NRG1: variants seen among roughly 807,000 people sequenced by gnomAD.
NRG1 encodes neuregulin 1, also known as pro-neuregulin-1, membrane-bound isoform.
Under a neutral mutation model 63.8 loss-of-function variants are expected in NRG1, and 18 were observed. The ratio of observed to expected loss-of-function variants is 0.28; its 90% CI spans 0.19 to 0.42. NRG1 has a LOEUF of 0.42. NRG1 is among the 10% of genes least tolerant of loss of function. The pLI, the probability that NRG1 is intolerant of heterozygous loss-of-function variation, is 1.00. For synonymous variants in NRG1, 302 were observed against 301.3 expected (o/e 1.00, Z -0.02); for missense variants, 762 against 814.7 (o/e 0.94, Z 0.79).
At chr8:32,233,730 A>G (rs1262941596) in intron 1 of NRG1, among the ~76,000 whole-genome samples, 1 of 151,496 alleles carries the variant, frequency 6.6e-6, no homozygotes, top group Non-Finnish European at 1.5e-5. Flanking sequence ...ATGCCCAGCT[A>G]ATTTTCATAT....
intron 3 of NRG1, among the ~76,000 whole-genome samples, chr8:32,609,558 CCTTCCTTCCTTCCTTCCTTCCTTCCT>C (rs1845949914): frequency 3.9e-4 from 18 of 46,182 alleles, no homozygotes; most frequent in African/African-American, 1.2e-3. Flanking sequence ...CTCCCTCCTT[CCTTCCTTCCTTCCTTCCTTCCTTCCT>C]TCCTTCCTTC....
intron 1 of NRG1, among the ~76,000 whole-genome samples, chr8:31,883,103 G>A (rs753963730): frequency 2.6e-5 from 4 of 151,952 alleles, no homozygotes; most frequent in Non-Finnish European, 5.9e-5. Flanking sequence ...AGTTAAAGCA[G>A]CAAATTTCAT....
intron 1 of NRG1, among the ~76,000 whole-genome samples, chr8:32,251,036 G>A (rs1849041864): frequency 6.6e-6 from 1 of 151,866 alleles, no homozygotes; most frequent in African/African-American, 2.4e-5. Flanking sequence ...TTACATTCTA[G>A]TATAAAAATT....
intron 1 of NRG1, among the ~76,000 whole-genome samples, chr8:32,082,858 TA>T (rs1166977814): frequency 6.6e-6 from 1 of 152,164 alleles, no homozygotes; most frequent in Non-Finnish European, 1.5e-5. Context: ...CACATGCAAG[TA>T]TATTTCAGTT....
intron 1 of NRG1, among the ~76,000 whole-genome samples, chr8:31,862,442 C>G (rs765610448): frequency 6.6e-6 from 1 of 152,154 alleles, no homozygotes; most frequent in South Asian, 2.1e-4. Context: ...TAAGTTGTGA[C>G]AAAATATCTA....
At chr8:32,723,006 A>G (rs1358495347) in intron 5 of NRG1, among the ~76,000 whole-genome samples, 1 of 152,204 alleles carries the variant, frequency 6.6e-6, no homozygotes, top group African/African-American at 2.4e-5. Context: ...GCTTGGTTAT[A>G]TATGTAACAT....
At chr8:32,486,627 A>AATTTTT (rs71208187) in intron 1 of NRG1, among the ~76,000 whole-genome samples, 16 of 145,508 alleles carry the variant, frequency 1.1e-4, no homozygotes, top group Non-Finnish European at 9.0e-5. Context: ...GAATTGCTGG[A>AATTTTT]TTTTTTTTTT....
intron 1 of NRG1, among the ~76,000 whole-genome samples, chr8:31,917,715 T>G (rs4556052): frequency 0.46 from 70,365 of 151,960 alleles, 18,263 homozygotes; most frequent in East Asian, 0.91. Flanking sequence ...ATATGAACTT[T>G]AAAGTAGTTT....
chr8:32,665,687 A>G (rs775794148), intron 5 of NRG1, among the ~76,000 whole-genome samples: 15 of 152,176 alleles, frequency 9.9e-5, no homozygotes, highest in South Asian at 2.1e-4. Context: ...TACTTGTACA[A>G]TTTCCACTTG....
intron 1 of NRG1, among the ~76,000 whole-genome samples, chr8:32,237,937 A>G (rs1563939528): frequency 1.3e-5 from 2 of 150,790 alleles, no homozygotes; most frequent in South Asian, 4.3e-4. Context: ...TGAAAGCCTG[A>G]GATACATATC....
intron 1 of NRG1, among the ~76,000 whole-genome samples, chr8:32,181,839 G>T (rs1585898068): frequency 6.7e-6 from 1 of 149,540 alleles, no homozygotes; most frequent in Non-Finnish European, 1.5e-5. Context: ...ATTTATAACT[G>T]AAAAAAAAAC....
At chr8:32,616,750 C>T (rs1046119413) in intron 4 of NRG1, 85 bp from the exon 5 acceptor site, 26 of 986,736 alleles carry the variant, frequency 2.6e-5, no homozygotes, top group Admixed American at 3.5e-5. Flanking sequence ...TTTTACTAGG[C>T]GATACCCAAG....
At chr8:32,764,174 C>A in exon 12 of NRG1, 1 of 1,614,094 alleles carries the variant, frequency 6.2e-7, no homozygotes, top group Non-Finnish European at 8.5e-7. Context: ...TGGACAGCAA[C>A]ACAAGCTCCC....
intron 1 of NRG1, among the ~76,000 whole-genome samples, chr8:31,685,832 TCAGTATTTTA>T (rs971215141): frequency 2.4e-4 from 36 of 152,328 alleles, no homozygotes; most frequent in Admixed American, 9.1e-4. Flanking sequence ...TGTGTGTGTG[TCAGTATTTTA>T]TTCTTGAATA....
rs531308467 is a variant in NRG1, at chr8:32,526,996, T to C, written c.38-68832T>C. Among the ~76,000 whole-genome samples, 4 of 152,274 alleles carry C rather than the reference T, an allele frequency of 2.6e-5. No individual in the cohort carries two copies. In the East Asian group the frequency reaches 7.7e-4, roughly 29 times the overall value. ...ATGTATATATTGATGACTCTTACAT[T>C]TATATCTCCAGCTCCAACCTTTCCC... On this transcript the variant is annotated intron_variant, in intron 1 of 10. Transcript: ENST00000519301.
chr8:31,678,604 C>T lies in NRG1; in HGVS notation c.37+39173C>T, dbSNP rs183985179. Among the ~76,000 whole-genome samples, 96 of 151,582 alleles carry T rather than the reference C, an allele frequency of 6.3e-4. No individual in the cohort carries two copies. In the East Asian group the frequency reaches 0.016, roughly 25 times the overall value. ...TCTGTGTGACCCAATTTAAACTTTT[C>T]TGATGACATTTACTTTGAATTAAAA... is the stretch of plus-strand genomic sequence containing the variant. On this transcript the variant is annotated intron_variant, in intron 1 of 10. Coordinates refer to the NRG1 transcript ENST00000519301.
intron 1 of NRG1, among the ~76,000 whole-genome samples, chr8:32,339,892 A>C (rs1803834144): frequency 6.6e-6 from 1 of 151,364 alleles, no homozygotes; most frequent in Admixed American, 6.6e-5. Flanking sequence ...TATTGTTTCT[A>C]CTTTTTTTTA....
intron 5 of NRG1, among the ~76,000 whole-genome samples, chr8:32,696,719 T>C (rs1813422147): frequency 6.9e-6 from 1 of 143,906 alleles, no homozygotes; most frequent in South Asian, 2.2e-4. Context: ...TGGAGTGCAA[T>C]GGCGCAATCT....
intron 1 of NRG1, among the ~76,000 whole-genome samples, chr8:31,983,904 A>G (rs2129631241): frequency 6.6e-6 from 1 of 152,226 alleles, no homozygotes; most frequent in South Asian, 2.1e-4. Flanking sequence ...TCCATGAAAA[A>G]GGAAGAAAGA....
Sources: gnomAD v4.1 joint callset for allele counts (sites outside exome capture counted in the v4.1 genomes callset) on GRCh38, gnomAD v4.1.1 for gene constraint, MANE v1.5 for transcripts, NCBI Gene and HGNC (gene_info 2026-07-23, HGNC 2026-07-21) for gene names.